DCDC1: variants seen among roughly 807,000 people sequenced by gnomAD.
DCDC1 encodes the protein doublecortin domain-containing protein 1.
DCDC1 carries 200 observed loss-of-function variants against 178.3 expected under a neutral mutation model. The observed-to-expected ratio is 1.12, with a 90% CI of 1.00 to 1.26. DCDC1 has a LOEUF of 1.26. DCDC1 is among the 50% of genes most tolerant of loss of function. The pLI is 0.00. For missense variants in DCDC1, 1,983 were observed against 1,749.2 expected (o/e 1.13, Z -2.38); for synonymous variants, 690 against 604.8 (o/e 1.14, Z -2.07).
At chr11:31,149,739 T>C (rs1230344694) in intron 9 of DCDC1, among the ~76,000 whole-genome samples, 1 of 149,478 alleles carries the variant, frequency 6.7e-6, no homozygotes, top group East Asian at 2.0e-4. Context: ...GCTGTATCAC[T>C]CACTGCGAAG....
intron 7 of DCDC1, among the ~76,000 whole-genome samples, chr11:31,276,971 T>A (rs913919577): frequency 3.3e-5 from 5 of 152,156 alleles, no homozygotes; most frequent in Non-Finnish European, 5.9e-5. Context: ...GTTTTTAAAA[T>A]CTACTCTGTT....
intron 9 of DCDC1, among the ~76,000 whole-genome samples, chr11:31,200,023 A>T (rs1010335636): frequency 6.6e-6 from 1 of 152,128 alleles, no homozygotes; most frequent in Non-Finnish European, 1.5e-5. Context: ...TGGTATTTTT[A>T]TATGAAGAAA....
At chr11:31,331,000 G>A (rs1023316141) in intron 2 of DCDC1, among the ~76,000 whole-genome samples, 4 of 152,118 alleles carry the variant, frequency 2.6e-5, no homozygotes, top group African/African-American at 4.8e-5. Context: ...TCATTTTCAC[G>A]ATATTGATTC....
At chr11:31,181,311 G>T (rs1190158748) in intron 9 of DCDC1, among the ~76,000 whole-genome samples, 1 of 152,184 alleles carries the variant, frequency 6.6e-6, no homozygotes, top group Non-Finnish European at 1.5e-5. Flanking sequence ...AAACATTCCT[G>T]CCTACCAGCT....
At chr11:31,051,621 G>T (rs1447942356) in intron 20 of DCDC1, among the ~76,000 whole-genome samples, 2 of 152,182 alleles carry the variant, frequency 1.3e-5, no homozygotes, top group African/African-American at 4.8e-5. Context: ...ATTAACAGGA[G>T]ATTTCTCAGC....
At chr11:31,207,853 A>G (rs1454775729) in intron 9 of DCDC1, among the ~76,000 whole-genome samples, 2 of 152,188 alleles carry the variant, frequency 1.3e-5, no homozygotes, top group Admixed American at 1.3e-4. Context: ...CAAGGTCACT[A>G]AAAACCAACA....
Position 31,250,421 on chromosome 11 carries a change from C to CATATATATATAT in DCDC1, c.1055-8806_1055-8805insATATATATATAT. Among the ~76,000 whole-genome samples, 224 of 52,848 alleles carry CATATATATATAT rather than the reference C, an allele frequency of 4.2e-3. 31 individuals are homozygous for CATATATATATAT. The highest frequency in any genetic ancestry group is 9.5e-3 in the African/African-American group (187 of 19,594). The allele number at this position is 52,848 out of a possible 152,430, so 34.7% of individuals were successfully genotyped here. A position where few individuals can be genotyped will look rare whatever the true frequency, so the allele number is the denominator to read the frequency against. ...ACACACACACACACACACACATATACATATATATGTATATATATATATATC... is the reference window on the plus strand; with the variant it reads ...ACACACACACACACACACACATATACATATATATATATATATATATGTATATATATATATATC... On this transcript the variant is annotated intron_variant, in intron 8 of 38. Transcript: ENST00000684477.
intron 21 of DCDC1, among the ~76,000 whole-genome samples, chr11:30,939,854 T>C (rs1947517006): frequency 6.6e-6 from 1 of 152,208 alleles, no homozygotes; most frequent in Non-Finnish European, 1.5e-5. Flanking sequence ...ATTTGTTTCC[T>C]ATGTTTAGTA....
At chr11:31,057,649 A>G (rs1272549382) in intron 20 of DCDC1, among the ~76,000 whole-genome samples, 1 of 152,138 alleles carries the variant, frequency 6.6e-6, no homozygotes, top group African/African-American at 2.4e-5. Flanking sequence ...TTAGGTAGAT[A>G]AAAGGGAATA....
intron 18 of DCDC1, among the ~76,000 whole-genome samples, chr11:31,069,651 A>G (rs373969277): frequency 5.9e-5 from 9 of 152,194 alleles, no homozygotes; most frequent in African/African-American, 2.2e-4. Flanking sequence ...TTCCAAGACC[A>G]TAAGTAACAG....
intron 20 of DCDC1, among the ~76,000 whole-genome samples, chr11:30,971,122 C>T (rs1169624157): frequency 6.6e-6 from 1 of 152,116 alleles, no homozygotes; most frequent in Non-Finnish European, 1.5e-5. Context: ...CATTACTGAC[C>T]CAACCAACAC....
intron 8 of DCDC1, among the ~76,000 whole-genome samples, chr11:31,249,814 T>G (rs1310398883): frequency 6.6e-6 from 1 of 152,170 alleles, no homozygotes; most frequent in Admixed American, 6.5e-5. Context: ...CAAATACACT[T>G]AAATTTAAAG....
At chr11:31,153,817 C>CACACACACACACA (rs957007039) in intron 9 of DCDC1, among the ~76,000 whole-genome samples, 41 of 149,984 alleles carry the variant, frequency 2.7e-4, no homozygotes, top group African/African-American at 8.9e-4. Context: ...CACACACACA[C>CACACACACACACA]AATTACCATA....
At chr11:30,930,906 A>T (rs190666966) in intron 22 of DCDC1, among the ~76,000 whole-genome samples, 1 of 152,082 alleles carries the variant, frequency 6.6e-6, no homozygotes, top group African/African-American at 2.4e-5. Context: ...TTGAAGTTTA[A>T]TTTTTTACTT....
At chr11:31,129,974 G>C (rs568696570) in intron 10 of DCDC1, among the ~76,000 whole-genome samples, 10 of 151,926 alleles carry the variant, frequency 6.6e-5, no homozygotes, top group Middle Eastern at 3.4e-3. Flanking sequence ...ACACATACAC[G>C]CATCCCTTCC....
rs113703183 is a variant in DCDC1 at position 31,020,620 on chromosome 11, T to C, written c.2591+43849A>G. On this transcript the variant is annotated intron_variant, in intron 20 of 38. Coordinates refer to ENST00000684477, the MANE Select transcript of DCDC1 (RefSeq NM_001387274.1). ...AATTTTTTAAAATTTTATAAATAGA[T>C]AGAGATGAGTCTCACTGTGTTGACC... 5.9e-3 allele frequency among the ~76,000 whole-genome samples: 904 copies of C among 152,234 alleles called. 7 individuals are homozygous for C. The highest frequency in any genetic ancestry group is 0.02 in the African/African-American group (844 of 41,556).
intron 15 of DCDC1, among the ~76,000 whole-genome samples, chr11:31,099,702 T>TTTTG (rs891869767): frequency 1.3e-5 from 2 of 150,204 alleles, no homozygotes; most frequent in Non-Finnish European, 1.5e-5. Context: ...GGCAGGGTTT[T>TTTTG]TTTGTTTGTT....
chr11:30,913,516 C>A (rs528993947), intron 27 of DCDC1, among the ~76,000 whole-genome samples: 1 of 152,214 alleles, frequency 6.6e-6, no homozygotes, highest in Non-Finnish European at 1.5e-5. Flanking sequence ...TGATGCTCCA[C>A]CTCTTCTCTC....
chr11:30,989,879 G>T (rs1226977155), intron 20 of DCDC1, among the ~76,000 whole-genome samples: 1 of 152,114 alleles, frequency 6.6e-6, no homozygotes, highest in African/African-American at 2.4e-5. Flanking sequence ...ACCAAAAGTT[G>T]CTGTGAATGA....
Sources: allele counts gnomAD v4.1 joint callset (sites outside exome capture counted in the v4.1 genomes callset), GRCh38; gene constraint gnomAD v4.1.1; transcripts MANE v1.5; gene names NCBI Gene and HGNC (gene_info 2026-07-23, HGNC 2026-07-21).